NRXN1: variants seen among roughly 807,000 people sequenced by gnomAD.
NRXN1 encodes neurexin 1.
A neutral mutation model predicts 150.9 loss-of-function variants in NRXN1; 39 were observed. The ratio of observed to expected loss-of-function variants is 0.26; its 90% CI spans 0.20 to 0.34. The LOEUF is 0.34. Ranked by LOEUF, NRXN1 falls within the 10% of genes least tolerant of loss-of-function variation. The pLI is 1.00. For missense variants in NRXN1, 1,815 were observed against 1,949.9 expected, an observed-to-expected ratio of 0.93 and a Z score of 1.30; for synonymous variants, 924 against 757.0, an observed-to-expected ratio of 1.22 and a Z score of -3.62.
At chr2:50,015,676 A>G (rs1686470891) in intron 21 of NRXN1, among the ~76,000 whole-genome samples, 1 of 152,182 alleles carries the variant, frequency 6.6e-6, no homozygotes, top group Admixed American at 6.5e-5. Flanking sequence ...AAAACAAGAA[A>G]GCACTTGCAG....
chr2:50,798,453 G>GTGTA (rs1265193125), intron 5 of NRXN1, among the ~76,000 whole-genome samples: 2 of 152,120 alleles, frequency 1.3e-5, no homozygotes, highest in African/African-American at 2.4e-5. Flanking sequence ...AACTTTATAT[G>GTGTA]TGTATCTCTG....
At chr2:50,577,026 C>T (rs927093804) in intron 8 of NRXN1, among the ~76,000 whole-genome samples, 1 of 152,070 alleles carries the variant, frequency 6.6e-6, no homozygotes, top group African/African-American at 2.4e-5. Flanking sequence ...AAACTTGTAT[C>T]TATATTCCCA....
chr2:50,203,585 T>C (rs1342557301), intron 18 of NRXN1, among the ~76,000 whole-genome samples: 2 of 152,150 alleles, frequency 1.3e-5, no homozygotes, highest in African/African-American at 2.4e-5. Flanking sequence ...TACATTTCTA[T>C]CTAGACATCA....
intron 9 of NRXN1, among the ~76,000 whole-genome samples, chr2:50,543,786 AAC>A (rs2093436778): frequency 6.6e-6 from 1 of 152,110 alleles, no homozygotes; most frequent in Non-Finnish European, 1.5e-5. Context: ...GGTGAGAAGA[AAC>A]ACAGAGTGAA....
intron 5 of NRXN1, among the ~76,000 whole-genome samples, chr2:50,769,089 T>C (rs1185078453): frequency 1.3e-5 from 2 of 152,110 alleles, no homozygotes; most frequent in Non-Finnish European, 2.9e-5. Flanking sequence ...TGTAAATTGT[T>C]CCTTATACAT....
chr2:50,044,874 A>G (rs1691566194), intron 21 of NRXN1, among the ~76,000 whole-genome samples: 2 of 152,206 alleles, frequency 1.3e-5, no homozygotes, highest in African/African-American at 4.8e-5. Context: ...ATTTACAGGC[A>G]ACATATAGCA....
intron 17 of NRXN1, among the ~76,000 whole-genome samples, chr2:50,249,206 C>A (rs949739505): frequency 8.0e-5 from 12 of 149,756 alleles, no homozygotes; most frequent in African/African-American, 2.2e-4. Context: ...AAAGATGATT[C>A]AAAAGGCAGG....
At chr2:50,619,954 G>A in intron 8 of NRXN1, 68 bp downstream of exon 8, 1 of 1,379,256 alleles carries the variant, frequency 7.3e-7, no homozygotes, top group Non-Finnish European at 9.6e-7. Context: ...CAGCAAAGGT[G>A]CTTTCATGCT....
At chr2:50,319,719 G>A (rs775811132) in intron 17 of NRXN1, among the ~76,000 whole-genome samples, 59 of 151,180 alleles carry the variant, frequency 3.9e-4, no homozygotes, top group Non-Finnish European at 7.8e-4. Context: ...GCAGACAGTG[G>A]CACCGTAGCA....
intron 17 of NRXN1, among the ~76,000 whole-genome samples, chr2:50,243,637 C>A (rs2066236261): frequency 6.6e-6 from 1 of 151,780 alleles, no homozygotes; most frequent in Non-Finnish European, 1.5e-5. Context: ...CCAAAAGATT[C>A]TTGAACTCTT....
At chr2:50,276,367 C>T (rs1248518401) in intron 17 of NRXN1, among the ~76,000 whole-genome samples, 5 of 151,986 alleles carry the variant, frequency 3.3e-5, no homozygotes, top group South Asian at 2.1e-4. Context: ...GTTTATATAA[C>T]GGGAAGAACA....
At chr2:50,309,191 C>T (rs983271229) in intron 17 of NRXN1, among the ~76,000 whole-genome samples, 6 of 152,114 alleles carry the variant, frequency 3.9e-5, no homozygotes, top group African/African-American at 1.4e-4. Flanking sequence ...GTTAGCCCGG[C>T]CTCAGTTATC....
intron 18 of NRXN1, among the ~76,000 whole-genome samples, chr2:50,174,001 C>T (rs2060190915): frequency 6.6e-6 from 1 of 151,908 alleles, no homozygotes; most frequent in African/African-American, 2.4e-5. Context: ...TACCACAAGT[C>T]CTCCCTAAAA....
At chr2:50,155,298 G>C (rs1194359162) in intron 18 of NRXN1, among the ~76,000 whole-genome samples, 1 of 151,526 alleles carries the variant, frequency 6.6e-6, no homozygotes, top group African/African-American at 2.4e-5. Flanking sequence ...AGTCTATAGA[G>C]TAGTGTGGGT....
intron 5 of NRXN1, among the ~76,000 whole-genome samples, chr2:50,852,926 G>A (rs1574709469): frequency 1.3e-5 from 2 of 152,018 alleles, no homozygotes; most frequent in Admixed American, 1.3e-4. Flanking sequence ...ATCATGAAAG[G>A]CTTTGTAAAA....
At chr2:50,080,089 G>A (rs1434942986) in intron 19 of NRXN1, among the ~76,000 whole-genome samples, 7 of 151,968 alleles carry the variant, frequency 4.6e-5, no homozygotes, top group African/African-American at 1.2e-4. Context: ...GAATCATCCC[G>A]TTTTCTAGTG....
At chr2:50,919,416 T>C (rs544834310) in intron 5 of NRXN1, 1 of 151,782 alleles carries the variant, frequency 6.6e-6, no homozygotes, top group Non-Finnish European at 1.5e-5. Flanking sequence ...ACTGGACATT[T>C]AAACAGTTAG....
chr2:50,922,459 A>G, intron 4 of NRXN1, 199 bp downstream of exon 4: 6 of 646,452 alleles, frequency 9.3e-6, no homozygotes, highest in Non-Finnish European at 8.4e-6. Flanking sequence ...AGGAAAATAA[A>G]AGCCACAGGA....
intron 2 of NRXN1, among the ~76,000 whole-genome samples, chr2:51,022,483 T>C (rs1669767935): frequency 6.6e-6 from 1 of 152,174 alleles, no homozygotes; most frequent in Admixed American, 6.5e-5. Flanking sequence ...CATTTTGGAA[T>C]AGTAACTCAG....
Sources: allele counts gnomAD v4.1 joint callset (sites outside exome capture counted in the v4.1 genomes callset), GRCh38; gene constraint gnomAD v4.1.1; transcripts MANE v1.5; gene names NCBI Gene and HGNC (gene_info 2026-07-23, HGNC 2026-07-21).